Variants in ABI1 observed in about 807,000 individuals in gnomAD.
The protein encoded by ABI1 is abl interactor 1.
In ABI1, 14 loss-of-function variants were observed where a neutral mutation model predicts 54.6. That is an observed-to-expected ratio of 0.26 (90% CI 0.17 to 0.40). The LOEUF is 0.40. Ranked by LOEUF, ABI1 falls within the 10% of genes least tolerant of loss-of-function variation. The probability of loss-of-function intolerance (pLI) is 1.00; values close to 1 mark genes in which losing one functional copy is unlikely to be tolerated. For missense variants in ABI1, 443 were observed against 598.3 expected, an observed-to-expected ratio of 0.74 and a Z score of 2.71; for synonymous variants, 194 against 209.3, an observed-to-expected ratio of 0.93 and a Z score of 0.63.
intron 2 of ABI1, among the ~76,000 whole-genome samples, chr10:26,817,212 C>A: frequency 6.6e-6 from 1 of 152,006 alleles, no homozygotes; most frequent in East Asian, 1.9e-4. Context: ...GTTGGCCAGG[C>A]TGGTCTCAAA....
intron 8 of ABI1, 132 bp downstream of exon 8, chr10:26,758,930 C>A: frequency 1.0e-6 from 1 of 972,060 alleles, no homozygotes; most frequent in South Asian, 1.8e-5. Flanking sequence ...GGACTAATAT[C>A]CTAAAACAAA....
intron 8 of ABI1, among the ~76,000 whole-genome samples, chr10:26,757,074 A>G (rs1346152498): frequency 6.6e-6 from 1 of 152,124 alleles, no homozygotes; most frequent in Non-Finnish European, 1.5e-5. Flanking sequence ...GTGTTTAGAA[A>G]CAACTCTTAG....
At chr10:26,783,997 T>C (rs1246441061) in intron 2 of ABI1, among the ~76,000 whole-genome samples, 2 of 152,170 alleles carry the variant, frequency 1.3e-5, no homozygotes, top group Non-Finnish European at 2.9e-5. Context: ...CACACTGATT[T>C]TGTGGCAGTC....
chr10:26,848,992 T>C (rs2050197741), intron 1 of ABI1, among the ~76,000 whole-genome samples: 1 of 152,176 alleles, frequency 6.6e-6, no homozygotes, highest in Admixed American at 6.5e-5. Context: ...CATAGTAGTA[T>C]ACAATGATAT....
intron 2 of ABI1, among the ~76,000 whole-genome samples, chr10:26,793,552 G>A (rs17816551): frequency 0.021 from 3,265 of 152,216 alleles, 229 homozygotes; most frequent in East Asian, 0.2. Flanking sequence ...TCTGGCCCAC[G>A]TCTAATTTTT....
chr10:26,823,016 A>G, intron 2 of ABI1, 122 bp downstream of exon 2: 1 of 853,466 alleles, frequency 1.2e-6, no homozygotes, highest in Non-Finnish European at 1.8e-6. Context: ...CCAAACTAAA[A>G]CAGTGTTAAT....
intron 1 of ABI1, among the ~76,000 whole-genome samples, chr10:26,828,285 G>A (rs1045858243): frequency 2.6e-5 from 4 of 152,120 alleles, no homozygotes; most frequent in African/African-American, 4.8e-5. Flanking sequence ...GCCCCAAAAC[G>A]ATTACAGTAA....
intron 2 of ABI1, among the ~76,000 whole-genome samples, chr10:26,811,239 G>C (rs1298501013): frequency 6.6e-6 from 1 of 152,050 alleles, no homozygotes; most frequent in Non-Finnish European, 1.5e-5. Context: ...ATAATACTGA[G>C]CTAAAATTTA....
At chr10:26,828,465 G>A (rs567673739) in intron 1 of ABI1, among the ~76,000 whole-genome samples, 3 of 152,234 alleles carry the variant, frequency 2.0e-5, no homozygotes, top group South Asian at 2.1e-4. Context: ...TGTAAAACAC[G>A]CAGTCTGCAA....
rs115811377 is a variant in ABI1 at position 26,773,663 on chromosome 10, C to T, written c.463-2574G>A. On this transcript the variant is annotated intron_variant, in intron 3 of 10. Coordinates refer to ENST00000376140, the MANE Select transcript of ABI1 (RefSeq NM_001012750.3). ...TTAGGCTGAGACCATTAGGCTGAGA[C>T]GGCTCCAGCATTCTGGGTTCCTACT... Among the ~76,000 whole-genome samples, 597 of 152,236 alleles carry T rather than the reference C, an allele frequency of 3.9e-3. 3 individuals are homozygous for T. The highest frequency in any genetic ancestry group is 0.013 in the African/African-American group (559 of 41,536).
intron 2 of ABI1, among the ~76,000 whole-genome samples, chr10:26,814,768 T>C (rs1332611862): frequency 6.6e-6 from 1 of 152,136 alleles, no homozygotes; most frequent in Admixed American, 6.6e-5. Flanking sequence ...TAGAAAACTT[T>C]ATAAATCTAA....
intron 4 of ABI1, 64 bp downstream of exon 4, chr10:26,771,011 G>T: frequency 1.3e-6 from 2 of 1,545,306 alleles, no homozygotes; most frequent in Non-Finnish European, 1.8e-6. Flanking sequence ...AATTTTAGTG[G>T]CTCTGCAGCC....
intron 2 of ABI1, among the ~76,000 whole-genome samples, chr10:26,813,298 G>A (rs756143076): frequency 6.6e-6 from 1 of 151,908 alleles, no homozygotes; most frequent in Non-Finnish European, 1.5e-5. Context: ...ACTGGCTGAG[G>A]AAATCTAAGA....
chr10:26,777,589 C>A (rs1841574286), intron 2 of ABI1, among the ~76,000 whole-genome samples: 1 of 151,984 alleles, frequency 6.6e-6, no homozygotes, highest in Non-Finnish European at 1.5e-5. Context: ...TCAGCCTGGG[C>A]AACATGGCAA....
At chr10:26,778,798 C>T (rs1479920381) in intron 2 of ABI1, among the ~76,000 whole-genome samples, 2 of 152,102 alleles carry the variant, frequency 1.3e-5, no homozygotes, top group Non-Finnish European at 2.9e-5. Flanking sequence ...GCTTACTGTC[C>T]AATATAATAA....
intron 2 of ABI1, among the ~76,000 whole-genome samples, chr10:26,820,853 C>T (rs997882459): frequency 6.6e-6 from 1 of 151,496 alleles, no homozygotes; most frequent in Admixed American, 6.6e-5. Context: ...CCCAATAATA[C>T]ACTATTTAGA....
intron 10 of ABI1, among the ~76,000 whole-genome samples, chr10:26,750,875 G>T (rs1330757447): frequency 1.3e-5 from 2 of 152,092 alleles, no homozygotes; most frequent in Admixed American, 6.6e-5. Flanking sequence ...TTAGACTTTA[G>T]AGTAGTTCAT....
At chr10:26,833,468 A>G (rs1365235191) in intron 1 of ABI1, among the ~76,000 whole-genome samples, 1 of 152,178 alleles carries the variant, frequency 6.6e-6, no homozygotes, top group Non-Finnish European at 1.5e-5. Context: ...CAAGGCTTAC[A>G]TTTCAAAAAC....
At chr10:26,815,452 G>C (rs2133646091) in intron 2 of ABI1, among the ~76,000 whole-genome samples, 1 of 152,122 alleles carries the variant, frequency 6.6e-6, no homozygotes, top group East Asian at 1.9e-4. Flanking sequence ...AAGCTCAGCA[G>C]AACACAGAGA....
Sources: gnomAD v4.1 joint callset for allele counts (sites outside exome capture counted in the v4.1 genomes callset) on GRCh38, gnomAD v4.1.1 for gene constraint, MANE v1.5 for transcripts, NCBI Gene and HGNC (gene_info 2026-07-23, HGNC 2026-07-21) for gene names.